KCNAB1: variants seen among roughly 807,000 people sequenced by gnomAD.
KCNAB1 encodes the protein voltage-gated potassium channel subunit beta-1.
A neutral mutation model predicts 64.6 loss-of-function variants in KCNAB1; 35 were observed. That is an observed-to-expected ratio of 0.54 (90% CI 0.41 to 0.72). The LOEUF (loss-of-function observed/expected upper bound fraction) is 0.72, where lower values mean the gene tolerates loss of function less well. Among genes scored for constraint, KCNAB1 ranks in the 30% least tolerant of loss-of-function variants. KCNAB1 has a pLI of 0.00. For missense variants in KCNAB1, 401 were observed against 512.9 expected (o/e 0.78, Z 2.11); for synonymous variants, 177 against 183.8 (o/e 0.96, Z 0.30).
chr3:156,418,707 A>C (rs1715266299), intron 1 of KCNAB1, among the ~76,000 whole-genome samples: 2 of 152,250 alleles, frequency 1.3e-5, no homozygotes, highest in South Asian at 4.1e-4. Context: ...AGAGACTTGC[A>C]TCTGAGCAAA....
chr3:156,513,531 C>A (rs570306634), intron 8 of KCNAB1, among the ~76,000 whole-genome samples: 117 of 152,320 alleles, frequency 7.7e-4, no homozygotes, highest in African/African-American at 2.6e-3. Context: ...AAATCCAACC[C>A]TGTCTGTGAA....
intron 8 of KCNAB1, among the ~76,000 whole-genome samples, chr3:156,480,993 C>T (rs1001606815): frequency 3.9e-5 from 6 of 152,058 alleles, no homozygotes; most frequent in African/African-American, 1.4e-4. Flanking sequence ...ACTTGAAAAC[C>T]CATCTTGGTT....
chr3:156,139,584 G>GTTTTTTTTTTTTTTTTTTTTTTT lies in KCNAB1; in HGVS notation c.275+18702_275+18724dup, dbSNP rs386398329. Among the ~76,000 whole-genome samples, 3 of 55,248 alleles carry GTTTTTTTTTTTTTTTTTTTTTTT rather than the reference G, an allele frequency of 5.4e-5. 1 individual carries two copies. The highest frequency in any genetic ancestry group is 2.3e-4 in the African/African-American group (3 of 13,212). The allele number at this position is 55,248 out of a possible 152,430, so 36.2% of individuals were successfully genotyped here. On this transcript the variant is annotated intron_variant, in intron 1 of 13. Transcript: ENST00000490337. The stretch of plus-strand genomic sequence containing the variant: ...TTTCTCCCTAACTCCATTGTACTGT[G>GTTTTTTTTTTTTTTTTTTTTTTT]TTTTTTTTTTTTTTTTTTTTTTTTT...
At chr3:156,252,374 A>G (rs1307728525) in intron 1 of KCNAB1, among the ~76,000 whole-genome samples, 1 of 152,216 alleles carries the variant, frequency 6.6e-6, no homozygotes, top group East Asian at 1.9e-4. Flanking sequence ...AATACTGTGT[A>G]CATTTGATAA....
At chr3:156,529,926 A>C (rs752092289) in intron 12 of KCNAB1, among the ~76,000 whole-genome samples, 17 of 152,188 alleles carry the variant, frequency 1.1e-4, no homozygotes, top group Non-Finnish European at 2.4e-4. Context: ...AGCAACACTG[A>C]GTTCCAGGCA....
intron 1 of KCNAB1, among the ~76,000 whole-genome samples, chr3:156,231,861 A>G (rs1370752894): frequency 5.9e-5 from 9 of 152,148 alleles, no homozygotes; most frequent in Non-Finnish European, 8.8e-5. Context: ...TCTTAAATGT[A>G]TTTGATTGAT....
At chr3:156,407,358 G>C (rs1714317973) in intron 1 of KCNAB1, among the ~76,000 whole-genome samples, 1 of 152,116 alleles carries the variant, frequency 6.6e-6, no homozygotes, top group Admixed American at 6.5e-5. Context: ...GCTGTTTCTG[G>C]CCACCTTTTC....
chr3:156,379,619 C>T (rs1204366555), intron 1 of KCNAB1, among the ~76,000 whole-genome samples: 1 of 152,082 alleles, frequency 6.6e-6, no homozygotes, highest in African/African-American at 2.4e-5. Context: ...CCCTGTGGAA[C>T]CACAGAGTGA....
intron 1 of KCNAB1, among the ~76,000 whole-genome samples, chr3:156,319,306 G>A (rs1199820779): frequency 6.6e-6 from 1 of 152,156 alleles, no homozygotes; most frequent in Non-Finnish European, 1.5e-5. Context: ...TTTAGTTTTT[G>A]CTCACACTAC....
chr3:156,214,395 G>C (rs186901014), intron 1 of KCNAB1, among the ~76,000 whole-genome samples: 7 of 152,182 alleles, frequency 4.6e-5, no homozygotes, highest in African/African-American at 1.7e-4. Flanking sequence ...AGTATCATCT[G>C]GTTGGCATCC....
intron 8 of KCNAB1, among the ~76,000 whole-genome samples, chr3:156,481,710 C>A (rs1208699754): frequency 1.3e-5 from 2 of 152,108 alleles, no homozygotes; most frequent in Non-Finnish European, 2.9e-5. Flanking sequence ...AATATTTCTG[C>A]AGAGTGGACT....
intron 1 of KCNAB1, among the ~76,000 whole-genome samples, chr3:156,350,767 G>C (rs1724805913): frequency 1.3e-5 from 2 of 152,220 alleles, no homozygotes; most frequent in Non-Finnish European, 2.9e-5. Context: ...TTTCAGGAAA[G>C]CATTGCTTGT....
At chr3:156,278,943 ATTTT>A (rs905525866) in intron 1 of KCNAB1, among the ~76,000 whole-genome samples, 2 of 151,184 alleles carry the variant, frequency 1.3e-5, no homozygotes, top group African/African-American at 2.4e-5. Context: ...ACTTTATTTT[ATTTT>A]TTTATTTATT....
At chr3:156,225,410 G>C (rs1431526177) in intron 1 of KCNAB1, among the ~76,000 whole-genome samples, 2 of 152,152 alleles carry the variant, frequency 1.3e-5, no homozygotes, top group African/African-American at 2.4e-5. Flanking sequence ...CGGCATAGAA[G>C]GGACAAACGT....
At chr3:156,290,147 T>C (rs1720316943) in intron 1 of KCNAB1, among the ~76,000 whole-genome samples, 1 of 152,226 alleles carries the variant, frequency 6.6e-6, no homozygotes, top group Non-Finnish European at 1.5e-5. Flanking sequence ...CTAGTGTACT[T>C]AGTGTCTGTG....
Position 156,450,863 on chromosome 3 carries a change from A to AC in KCNAB1, c.320-2027dup, listed in dbSNP as rs57598632. Among the ~76,000 whole-genome samples the AC allele has an allele frequency of 9.2e-3, 919 of 100,148 alleles. 1 individual carries two copies. The highest frequency in any genetic ancestry group is 0.016 in the Middle Eastern group (3 of 184). The allele number at this position is 100,148 out of a possible 152,430, so 65.7% of individuals were successfully genotyped here. A position where few individuals can be genotyped will look rare whatever the true frequency, so the allele number is the denominator to read the frequency against. On this transcript the variant is annotated intron_variant, in intron 2 of 13. Coordinates refer to ENST00000490337, the MANE Select transcript of KCNAB1 (RefSeq NM_172160.3). ...GTCTGGATACACTTCCCATCCACCC[A>AC]CCCCCCCCCAAAAAAAAGTTATGCT...
At chr3:156,294,937 C>T (rs937819715) in intron 1 of KCNAB1, among the ~76,000 whole-genome samples, 1 of 152,176 alleles carries the variant, frequency 6.6e-6, no homozygotes, top group Non-Finnish European at 1.5e-5. Flanking sequence ...ATTTAGTCAG[C>T]ATAGTCAATA....
intron 1 of KCNAB1, among the ~76,000 whole-genome samples, chr3:156,208,987 C>G (rs939357581): frequency 1.3e-5 from 2 of 152,152 alleles, no homozygotes; most frequent in African/African-American, 2.4e-5. Context: ...ATTTTTCCAG[C>G]CCCGCTTTAA....
intron 4 of KCNAB1, 53 bp from the exon 5 acceptor site, chr3:156,459,774 T>C: frequency 7.4e-7 from 1 of 1,353,914 alleles, no homozygotes; most frequent in Non-Finnish European, 1.0e-6. Context: ...CTGGATTGAC[T>C]CTTGCTTTTC....
Sources: allele counts gnomAD v4.1 joint callset (sites outside exome capture counted in the v4.1 genomes callset), GRCh38; gene constraint gnomAD v4.1.1; transcripts MANE v1.5; gene names NCBI Gene and HGNC (gene_info 2026-07-23, HGNC 2026-07-21).